SLC22A8: variants seen among roughly 807,000 people sequenced by gnomAD.
The protein encoded by SLC22A8 is organic anion transporter 3.
Under a neutral mutation model 48.4 loss-of-function variants are expected in SLC22A8, and 40 were observed. The observed-to-expected ratio is 0.83, with a 90% CI of 0.64 to 1.08. The LOEUF (loss-of-function observed/expected upper bound fraction) is 1.08, where lower values mean the gene tolerates loss of function less well. Among genes scored for constraint, SLC22A8 ranks in the 50% least tolerant of loss-of-function variants. The pLI is 0.00. For synonymous variants in SLC22A8, 268 were observed against 286.3 expected (o/e 0.94, Z 0.65); for missense variants, 606 against 699.0 (o/e 0.87, Z 1.50).
chr11:63,014,582 G>C, intron 2 of SLC22A8, 44 bp downstream of exon 2: 1 of 1,505,514 alleles, frequency 6.6e-7, no homozygotes, highest in Non-Finnish European at 9.1e-7. Context: ...GCAGGGTATG[G>C]GGGTACGTGG....
At position 62,993,790 on chromosome 11, in the gene SLC22A8, T is replaced by G; in HGVS notation, c.1305A>C (p.Glu435Asp). The change falls in exon 9 of 11, where the codon GAA becomes GAC. Residue 435 changes from glutamate (E) to aspartate (D), a missense_variant. Physicochemically the swap from Glu to Asp is conservative, Grantham distance 45. Coordinates refer to ENST00000336232, the MANE Select transcript of SLC22A8 (RefSeq NM_004254.4). ...CCTACCTGATGACTGTGGGGTATAA[T>G]TCACTTGTGTAGAGGAAGAGGCAGC... ...SFSCLFLYTS[E>D]LYPTVIRQTG... 1 of 1,613,306 alleles carries G rather than the reference T, an allele frequency of 6.2e-7. No individual in the cohort carries two copies. Among genetic ancestry groups the G allele is most frequent in the Non-Finnish European group, 8.5e-7 (1 of 1,179,248 alleles).
chr11:62,996,520 C>T (rs1021776060), intron 5 of SLC22A8, among the ~76,000 whole-genome samples: 3 of 152,192 alleles, frequency 2.0e-5, no homozygotes, highest in Admixed American at 1.3e-4. Flanking sequence ...TGCACATCCA[C>T]CTCCCCAGCC....
chr11:63,013,340 GGA>G (rs1475985093), intron 2 of SLC22A8, among the ~76,000 whole-genome samples: 6 of 152,170 alleles, frequency 3.9e-5, no homozygotes, highest in Non-Finnish European at 8.8e-5. Context: ...TCTGTGAACT[GGA>G]GATAATACTT....
chr11:63,004,107 G>A (rs1308546924), intron 2 of SLC22A8, among the ~76,000 whole-genome samples: 1 of 152,168 alleles, frequency 6.6e-6, no homozygotes, highest in Non-Finnish European at 1.5e-5. Flanking sequence ...GACCTGCTTG[G>A]AAGGTTTCAG....
rs115420157 is a variant in SLC22A8 at position 63,006,447 on chromosome 11, C to T, written c.334-5624G>A. 3.0e-3 allele frequency among the ~76,000 whole-genome samples: 452 copies of T among 152,090 alleles called. 3 individuals carry two copies. The highest frequency in any genetic ancestry group is 0.01 in the African/African-American group (423 of 41,462). ...CGATAAATGGATAAGAGTGTCTAGC[C>T]GCCCAGGGTAGGTAAGGTGCTCCTC... On this transcript the variant is annotated intron_variant, in intron 2 of 10. Transcript: ENST00000336232.
chr11:63,014,812 A>G lies in SLC22A8; in HGVS notation c.147T>C (p.Cys49=), dbSNP rs1160637590. The change falls in exon 2 of 11, where the codon TGT becomes TGC. Residue 49 remains cysteine (C), a synonymous_variant. Coordinates refer to ENST00000336232, the MANE Select transcript of SLC22A8 (RefSeq NM_004254.4). ...IFTAATPVHH[C]RPPHNASTGP... is the part of the protein sequence containing the mutation. Reference sequence around the variant, plus strand: ...CTGTGGAGGCATTGTGGGGCGGGCGACAGTGGTGGACAGGGGTGGCGGCTG... The same window carrying G: ...CTGTGGAGGCATTGTGGGGCGGGCGGCAGTGGTGGACAGGGGTGGCGGCTG... 6.2e-7 allele frequency: 1 copy of G among 1,612,760 alleles called. No individual in the cohort carries two copies. The highest frequency in any genetic ancestry group is 1.1e-5 in the South Asian group (1 of 91,008).
intron 7 of SLC22A8, chr11:62,995,440 G>C: frequency 1.9e-6 from 1 of 528,898 alleles, no homozygotes; most frequent in East Asian, 3.2e-5. Context: ...ATGTGAGCTG[G>C]GGAAGGGGCC....
At position 62,999,517 on chromosome 11, in the gene SLC22A8, A is replaced by T. The variant is rs538700358; in HGVS notation, c.592+171T>A. 3.7e-5 allele frequency: 19 copies of T among 511,186 alleles called. No individual in the cohort carries two copies. The East Asian group carries it at 4.8e-4, about 13-fold the overall frequency. 31.7% of individuals were successfully genotyped at this position (511,186 alleles called of 1,614,324 possible). Reference sequence around the variant, plus strand: ...CTCAGTATTGACAGCTGCTATTACTATGCTTGTTGTCATTTTTAAATTTAA... The same window carrying T: ...CTCAGTATTGACAGCTGCTATTACTTTGCTTGTTGTCATTTTTAAATTTAA... On this transcript the variant is annotated intron_variant, in intron 4 of 10. Coordinates refer to ENST00000336232, the MANE Select transcript of SLC22A8 (RefSeq NM_004254.4).
rs182683547 is a variant in SLC22A8 at position 63,004,432 on chromosome 11, A to G, written c.334-3609T>C. Among the ~76,000 whole-genome samples, 5 of 152,266 alleles carry G rather than the reference A, an allele frequency of 3.3e-5. No homozygotes were observed. In the East Asian group the frequency reaches 9.6e-4, roughly 29 times the overall value. On this transcript the variant is annotated intron_variant, in intron 2 of 10. Coordinates refer to ENST00000336232, the MANE Select transcript of SLC22A8 (RefSeq NM_004254.4). ...GTTGAATTGTTCGCCTTGCTGCTCCATAAACATTTCAAGCATGCTCCTACC... is the reference window on the plus strand; with the variant it reads ...GTTGAATTGTTCGCCTTGCTGCTCCGTAAACATTTCAAGCATGCTCCTACC...
In SLC22A8 at chr11:62,999,862, A is replaced by T. The variant is rs1162334844; in HGVS notation, c.438-20T>A. The T allele has an allele frequency of 2.0e-6, 3 of 1,479,874 alleles. No homozygotes were observed. Among genetic ancestry groups the T allele is most frequent in the Non-Finnish European group, 2.7e-6 (3 of 1,108,502 alleles). The allele number at this position is 1,479,874 out of a possible 1,614,324, so 91.7% of individuals were successfully genotyped here. A position where few individuals can be genotyped will look rare whatever the true frequency, so the allele number is the denominator to read the frequency against. On this transcript the variant is annotated intron_variant, in intron 3 of 10. Coordinates refer to ENST00000336232, the MANE Select transcript of SLC22A8 (RefSeq NM_004254.4). ...CCAAACCTGTAGCTCGAAGGAGAGG[A>T]GGGGCCAGGTTAGCCACAGTGTGCC...
At chr11:62,997,164 G>A (rs1038919083) in intron 5 of SLC22A8, among the ~76,000 whole-genome samples, 2 of 152,174 alleles carry the variant, frequency 1.3e-5, no homozygotes, top group African/African-American at 4.8e-5. Flanking sequence ...CTGTGTACCA[G>A]GCCCATGAAA....
At chr11:63,008,587 A>C (rs2086582475) in intron 2 of SLC22A8, among the ~76,000 whole-genome samples, 1 of 152,156 alleles carries the variant, frequency 6.6e-6, no homozygotes, top group Non-Finnish European at 1.5e-5. Flanking sequence ...CCTGCTTCTC[A>C]GGCTTGTGAA....
Position 62,992,959 on chromosome 11 carries a change from A to C in SLC22A8, c.*278T>G. ...GGGGATATCAGGGGACCTCAGGGGAAGAGGACCGGGACAGTGGGGGAAGGT... is the reference window on the plus strand; with the variant it reads ...GGGGATATCAGGGGACCTCAGGGGACGAGGACCGGGACAGTGGGGGAAGGT... On this transcript the variant is annotated 3_prime_UTR_variant, in exon 11 of 11. Transcript: ENST00000336232. The C allele has an allele frequency of 2.1e-6, 1 of 474,816 alleles. No homozygotes were observed. The allele number at this position is 474,816 out of a possible 1,614,324, so 29.4% of individuals were successfully genotyped here.
intron 9 of SLC22A8, 56 bp downstream of exon 9, chr11:62,993,714 C>T (rs1281990466): frequency 6.3e-7 from 1 of 1,586,114 alleles, no homozygotes; most frequent in Middle Eastern, 1.7e-4. Context: ...GACAATGCCA[C>T]AGTCCCACCT....
At chr11:63,008,682 C>G (rs946346683) in intron 2 of SLC22A8, among the ~76,000 whole-genome samples, 11 of 152,114 alleles carry the variant, frequency 7.2e-5, no homozygotes, top group Non-Finnish European at 1.6e-4. Flanking sequence ...TTATTATTGT[C>G]ACTATTAATG....
rs1414663001 is a variant in SLC22A8, at chr11:62,994,588, C to G, written c.1170G>C (p.Leu390=). 3 of 1,613,668 alleles carry G rather than the reference C, an allele frequency of 1.9e-6. No homozygotes were observed. The highest frequency in any genetic ancestry group is 2.7e-5 in the African/African-American group (2 of 75,058). ...CCAAGATGGCCCCTCCTGCCAGGAG[C>G]AGGGCAGCGGCCTGAGTGGTATGCC... ...LGRHTTQAAA[L]LLAGGAILAL... is the part of the protein sequence containing the mutation. The change falls in exon 8 of 11, where the codon CTG becomes CTC. Residue 390 remains leucine, a synonymous_variant. Coordinates refer to ENST00000336232, the MANE Select transcript of SLC22A8 (RefSeq NM_004254.4).
chr11:62,995,891 G>A (rs1318390947), intron 6 of SLC22A8, 72 bp from the exon 7 acceptor site: 2 of 1,495,376 alleles, frequency 1.3e-6, no homozygotes, highest in Admixed American at 3.3e-5. Context: ...GGGAGATGCA[G>A]GCGTGGTGCC....
chr11:63,003,233 C>T (rs1198624101), intron 2 of SLC22A8, among the ~76,000 whole-genome samples: 1 of 152,210 alleles, frequency 6.6e-6, no homozygotes, highest in African/African-American at 2.4e-5. Context: ...GAATTTAATT[C>T]AATAGAAATG....
At chr11:62,996,819 A>G (rs1040332114) in intron 5 of SLC22A8, among the ~76,000 whole-genome samples, 4 of 152,254 alleles carry the variant, frequency 2.6e-5, no homozygotes, top group Non-Finnish European at 5.9e-5. Context: ...CACCAGGATA[A>G]GAGGAAAGGA....
Sources: allele counts gnomAD v4.1 joint callset (sites outside exome capture counted in the v4.1 genomes callset), GRCh38; gene constraint gnomAD v4.1.1; transcripts MANE v1.5; gene names NCBI Gene and HGNC (gene_info 2026-07-23, HGNC 2026-07-21).